SND1: variants seen among roughly 807,000 people sequenced by gnomAD.
The protein encoded by SND1 is staphylococcal nuclease and tudor domain containing 1.
SND1 carries 38 observed loss-of-function variants against 121.7 expected under a neutral mutation model. That is an observed-to-expected ratio of 0.31 (90% CI 0.24 to 0.41). The LOEUF is 0.41. SND1 is among the 10% of genes least tolerant of loss of function. The pLI, the probability that SND1 is intolerant of heterozygous loss-of-function variation, is 1.00. For synonymous variants in SND1, 401 were observed against 447.4 expected (o/e 0.90, Z 1.31); for missense variants, 868 against 1,184.6 (o/e 0.73, Z 3.92).
intron 10 of SND1, among the ~76,000 whole-genome samples, chr7:127,804,931 ACTT>A (rs939538754): frequency 1.5e-4 from 23 of 152,144 alleles, no homozygotes; most frequent in African/African-American, 5.3e-4. Context: ...GTACGCTGAC[ACTT>A]CTTTATTCCT....
chr7:127,720,708 G>A (rs1796479599), intron 9 of SND1, among the ~76,000 whole-genome samples: 1 of 152,218 alleles, frequency 6.6e-6, no homozygotes. Flanking sequence ...GGCTTTCAGA[G>A]TATCTGAGGT....
chr7:127,909,930 A>G (rs1417215261), intron 14 of SND1, among the ~76,000 whole-genome samples: 1 of 152,192 alleles, frequency 6.6e-6, no homozygotes, highest in East Asian at 1.9e-4. Flanking sequence ...AAATCAATAG[A>G]TAAGAAATAG....
chr7:127,751,287 G>A (rs1402919916), intron 10 of SND1, among the ~76,000 whole-genome samples: 1 of 152,096 alleles, frequency 6.6e-6, no homozygotes, highest in African/African-American at 2.4e-5. Context: ...TTGCTAGGGG[G>A]CTTTTGCAGA....
In SND1 at chr7:127,943,660, T is replaced by A. The variant is rs866213904; in HGVS notation, c.1669+14331T>A. ...AGGAGATGAGTGGGACTCTAGAGAC[T>A]TGAGAGAGGTAAGACAGAACAGGAG... On this transcript the variant is annotated intron_variant, in intron 15 of 23. Transcript: ENST00000354725. Among the ~76,000 whole-genome samples, 5 of 152,252 alleles carry A rather than the reference T, an allele frequency of 3.3e-5. No individual in the cohort carries two copies. The South Asian group carries it at 1.0e-3, about 32-fold the overall frequency.
chr7:127,711,570 C>T (rs1466949918), intron 9 of SND1, among the ~76,000 whole-genome samples: 4 of 152,052 alleles, frequency 2.6e-5, no homozygotes, highest in Admixed American at 6.5e-5. Flanking sequence ...CATTTCATAG[C>T]GATGCACTTT....
chr7:128,071,816 G>GC (rs1480386422), intron 16 of SND1, among the ~76,000 whole-genome samples: 5 of 152,326 alleles, frequency 3.3e-5, no homozygotes, highest in Admixed American at 2.0e-4. Context: ...AGGGAACAGA[G>GC]CCCCATGGGC....
At chr7:127,780,079 G>A (rs190938689) in intron 10 of SND1, among the ~76,000 whole-genome samples, 51 of 152,302 alleles carry the variant, frequency 3.3e-4, no homozygotes, top group Non-Finnish European at 5.6e-4. Context: ...CATGCAGATG[G>A]TTCCTTGAAG....
intron 10 of SND1, among the ~76,000 whole-genome samples, chr7:127,731,936 C>T (rs1347069479): frequency 1.3e-5 from 2 of 152,216 alleles, no homozygotes; most frequent in African/African-American, 4.8e-5. Flanking sequence ...CTCTCACCCC[C>T]ATCACCCAGT....
chr7:127,836,490 G>A (rs1798870955), intron 11 of SND1, among the ~76,000 whole-genome samples: 1 of 152,076 alleles, frequency 6.6e-6, no homozygotes, highest in Non-Finnish European at 1.5e-5. Context: ...ATTGGTTTAT[G>A]TCTTCTAATC....
intron 11 of SND1, among the ~76,000 whole-genome samples, chr7:127,817,827 T>A (rs73232925): frequency 1.3e-5 from 2 of 151,800 alleles, no homozygotes; most frequent in Non-Finnish European, 2.9e-5. Context: ...ATAATATTTT[T>A]GTGACCCTTT....
intron 11 of SND1, among the ~76,000 whole-genome samples, chr7:127,810,188 T>C (rs769271651): frequency 4.6e-5 from 7 of 152,234 alleles, no homozygotes; most frequent in Non-Finnish European, 8.8e-5. Flanking sequence ...TCCCTTTCTT[T>C]GTTGGTTCTG....
intron 1 of SND1, among the ~76,000 whole-genome samples, chr7:127,666,728 T>TA (rs1033527884): frequency 4.6e-5 from 7 of 152,168 alleles, no homozygotes; most frequent in African/African-American, 1.7e-4. Flanking sequence ...GCCGGGATCA[T>TA]AAACAAGTTC....
intron 10 of SND1, among the ~76,000 whole-genome samples, chr7:127,740,794 G>A (rs1353454266): frequency 5.3e-5 from 8 of 152,170 alleles, no homozygotes; most frequent in Non-Finnish European, 1.2e-4. Flanking sequence ...GGTGTCTGTG[G>A]TAGAAGTGGA....
At chr7:128,060,974 A>G (rs1793221516) in intron 16 of SND1, among the ~76,000 whole-genome samples, 2 of 152,154 alleles carry the variant, frequency 1.3e-5, no homozygotes, top group South Asian at 2.1e-4. Context: ...CAGTGCATGT[A>G]TCAGTGGAAT....
intron 16 of SND1, among the ~76,000 whole-genome samples, chr7:128,046,628 T>G (rs1307744487): frequency 6.6e-6 from 1 of 152,068 alleles, no homozygotes; most frequent in Non-Finnish European, 1.5e-5. Context: ...CCTCCCAAAG[T>G]GCTGGGATTA....
chr7:127,715,708 C>G (rs925038439), intron 9 of SND1, among the ~76,000 whole-genome samples: 2 of 152,166 alleles, frequency 1.3e-5, no homozygotes, highest in Non-Finnish European at 2.9e-5. Flanking sequence ...CTTTGTTACA[C>G]AAAATTTTCA....
In SND1 at chr7:127,743,934, G is replaced by T. The variant is rs1196737115; in HGVS notation, c.1152+22534G>T. Among the ~76,000 whole-genome samples the T allele has an allele frequency of 5.3e-5, 8 of 152,118 alleles. 1 individual carries two copies. Among genetic ancestry groups the T allele is most frequent in the Admixed American group, 5.2e-4 (8 of 15,274 alleles). On this transcript the variant is annotated intron_variant, in intron 10 of 23. Coordinates refer to ENST00000354725, the MANE Select transcript of SND1 (RefSeq NM_014390.4). ...CCAGGCCTTCCACCTGTATTTTATC[G>T]ACGGGCATGTAAACTACACATAGAT... is the stretch of plus-strand genomic sequence containing the variant.
intron 12 of SND1, among the ~76,000 whole-genome samples, chr7:127,879,360 T>C (rs571527246): frequency 3.9e-5 from 6 of 152,246 alleles, no homozygotes; most frequent in South Asian, 4.1e-4. Flanking sequence ...CTGTTCACCA[T>C]TGAGCATTTT....
chr7:128,077,349 G>C (rs1284018956), intron 17 of SND1, among the ~76,000 whole-genome samples: 3 of 152,236 alleles, frequency 2.0e-5, no homozygotes, highest in African/African-American at 7.2e-5. Context: ...GGAGAGGAGA[G>C]GAGAGACAGC....
Sources: gnomAD v4.1 joint callset for allele counts (sites outside exome capture counted in the v4.1 genomes callset) on GRCh38, gnomAD v4.1.1 for gene constraint, MANE v1.5 for transcripts, NCBI Gene and HGNC (gene_info 2026-07-23, HGNC 2026-07-21) for gene names.